The following ARHGAP44 variants were observed in gnomAD, a reference collection of about 807,000 sequenced individuals.
ARHGAP44 encodes the protein rho GTPase-activating protein 44.
Under a neutral mutation model 106.8 loss-of-function variants are expected in ARHGAP44, and 43 were observed. That is an observed-to-expected ratio of 0.40 (90% CI 0.32 to 0.52). The LOEUF (loss-of-function observed/expected upper bound fraction) is 0.52. ARHGAP44 is among the 20% of genes least tolerant of loss of function. The pLI, the probability that ARHGAP44 is intolerant of heterozygous loss-of-function variation, is 0.48. For synonymous variants in ARHGAP44, 439 were observed against 410.3 expected (o/e 1.07, Z -0.85); for missense variants, 866 against 1,050.5 (o/e 0.82, Z 2.43).
Position 12,838,263 on chromosome 17 carries a change from G to A in ARHGAP44, c.53+48372G>A, listed in dbSNP as rs556063003. 2.0e-5 allele frequency among the ~76,000 whole-genome samples: 3 copies of A among 152,202 alleles called. No homozygotes were observed. In the South Asian group the frequency reaches 6.2e-4, roughly 32 times the overall value. ...GAAAATATAGTAAGAAAAAAAAGTA[G>A]GATACATATACATTTACATTTGTGT... On this transcript the variant is annotated intron_variant, in intron 1 of 20. Coordinates refer to ENST00000379672, the MANE Select transcript of ARHGAP44 (RefSeq NM_014859.6).
chr17:12,814,705 A>G (rs1468843571), intron 1 of ARHGAP44, among the ~76,000 whole-genome samples: 6 of 152,192 alleles, frequency 3.9e-5, no homozygotes, highest in Non-Finnish European at 7.3e-5. Flanking sequence ...TATTACATAT[A>G]GCAAATGCTG....
At chr17:12,874,912 C>T (rs1311723313) in intron 1 of ARHGAP44, among the ~76,000 whole-genome samples, 1 of 111,344 alleles carries the variant, frequency 9.0e-6, no homozygotes, top group African/African-American at 3.5e-5. Context: ...CAGAGTATAT[C>T]GGGCAGGGCA....
intron 13 of ARHGAP44, among the ~76,000 whole-genome samples, chr17:12,953,191 C>T (rs2039040595): frequency 6.6e-6 from 1 of 152,104 alleles, no homozygotes; most frequent in African/African-American, 2.4e-5. Flanking sequence ...CCAGTGCTCC[C>T]CCATTCCCGA....
At chr17:12,978,322 G>T (rs2039746956) in intron 18 of ARHGAP44, among the ~76,000 whole-genome samples, 1 of 152,172 alleles carries the variant, frequency 6.6e-6, no homozygotes, top group East Asian at 1.9e-4. Flanking sequence ...GTGAGGCAAG[G>T]GTTTTCTGTT....
intron 1 of ARHGAP44, among the ~76,000 whole-genome samples, chr17:12,871,657 T>C (rs1183109038): frequency 1.3e-5 from 2 of 152,128 alleles, no homozygotes; most frequent in African/African-American, 2.4e-5. Flanking sequence ...TCGTCCAACA[T>C]TGGGAATTAA....
At chr17:12,865,868 A>G (rs2036226478) in intron 1 of ARHGAP44, among the ~76,000 whole-genome samples, 1 of 151,986 alleles carries the variant, frequency 6.6e-6, no homozygotes, top group African/African-American at 2.4e-5. Flanking sequence ...AGGAAATGAG[A>G]TTATTTTTAC....
intron 18 of ARHGAP44, among the ~76,000 whole-genome samples, chr17:12,978,020 G>C (rs143159155): frequency 0.013 from 943 of 74,310 alleles, 6 homozygotes; most frequent in Middle Eastern, 0.064. Context: ...CTGGGCAACA[G>C]AGCAAGACTC....
intron 19 of ARHGAP44, among the ~76,000 whole-genome samples, chr17:12,984,067 C>T (rs531730605): frequency 4.3e-4 from 66 of 152,256 alleles, no homozygotes; most frequent in South Asian, 1.9e-3. Context: ...TTTTCTATCC[C>T]GAGGACCTGC....
At chr17:12,977,808 G>C (rs543400014) in intron 18 of ARHGAP44, among the ~76,000 whole-genome samples, 6 of 152,072 alleles carry the variant, frequency 3.9e-5, no homozygotes, top group South Asian at 2.1e-4. Flanking sequence ...GGGTGGCCGA[G>C]GGGGGTGGAT....
chr17:12,823,430 C>T (rs1426728289), intron 1 of ARHGAP44, among the ~76,000 whole-genome samples: 1 of 152,176 alleles, frequency 6.6e-6, no homozygotes, highest in East Asian at 1.9e-4. Flanking sequence ...CTCACTTTCT[C>T]CTTCCTAGAG....
intron 1 of ARHGAP44, among the ~76,000 whole-genome samples, chr17:12,858,212 G>T (rs912206427): frequency 6.6e-6 from 1 of 152,140 alleles, no homozygotes; most frequent in Non-Finnish European, 1.5e-5. Context: ...AGACACCCAG[G>T]TCAGCCAAAT....
chr17:12,894,094 T>C, intron 1 of ARHGAP44, among the ~76,000 whole-genome samples: 1 of 152,216 alleles, frequency 6.6e-6, no homozygotes, highest in South Asian at 2.1e-4. Context: ...ATTTTATACA[T>C]GTATTATAGT....
chr17:12,825,345 C>A (rs533559884), intron 1 of ARHGAP44, among the ~76,000 whole-genome samples: 3 of 151,748 alleles, frequency 2.0e-5, no homozygotes, highest in African/African-American at 7.3e-5. Flanking sequence ...CCCTTGATTA[C>A]TAATTTTTTA....
rs1199329811 is a variant in ARHGAP44 at position 12,948,753 on chromosome 17, C to CACAA, written c.862-387_862-386insACAA. ...ACACACACACACACACACACACACCCCCTGTAGACCTCCTCACATTCAACT... is the reference window on the plus strand; with the variant it reads ...ACACACACACACACACACACACACCCACAACCTGTAGACCTCCTCACATTCAACT... On this transcript the variant is annotated intron_variant, in intron 10 of 20. Coordinates refer to ENST00000379672, the MANE Select transcript of ARHGAP44 (RefSeq NM_014859.6). Among the ~76,000 whole-genome samples the CACAA allele has an allele frequency of 2.0e-5, 3 of 150,214 alleles. No homozygotes were observed. In the Admixed American group the frequency reaches 2.0e-4, roughly 10 times the overall value.
chr17:12,803,274 T>G (rs2034176725), intron 1 of ARHGAP44, among the ~76,000 whole-genome samples: 1 of 151,624 alleles, frequency 6.6e-6, no homozygotes, highest in African/African-American at 2.4e-5. Flanking sequence ...GCCCAGCCAA[T>G]TTTTGTATTT....
chr17:12,946,053 T>G (rs1207268147), intron 10 of ARHGAP44, among the ~76,000 whole-genome samples: 3 of 152,298 alleles, frequency 2.0e-5, no homozygotes, highest in Non-Finnish European at 2.9e-5. Context: ...GCCACCGCAC[T>G]GGGCCTCAAT....
rs566631696 is a variant in ARHGAP44 at position 12,827,118 on chromosome 17, G to A, written c.53+37227G>A. On this transcript the variant is annotated intron_variant, in intron 1 of 20. Transcript: ENST00000379672. ...AGGCCATGACATACTATCATTTTTG[G>A]TCTCTGTAACCCTGTTCTCTTATTT... Among the ~76,000 whole-genome samples, 286 of 152,110 alleles carry A rather than the reference G, an allele frequency of 1.9e-3. 1 individual carries two copies. Among genetic ancestry groups the A allele is most frequent in the Non-Finnish European group, 3.5e-3 (235 of 67,994 alleles).
intron 3 of ARHGAP44, 24 bp downstream of exon 3, chr17:12,896,535 G>T: frequency 6.4e-7 from 1 of 1,567,344 alleles, no homozygotes; most frequent in Non-Finnish European, 8.6e-7. Flanking sequence ...CAGCCCTGGG[G>T]AGCTGAAATC....
intron 1 of ARHGAP44, among the ~76,000 whole-genome samples, chr17:12,815,292 T>A (rs1302504716): frequency 6.6e-6 from 1 of 152,140 alleles, no homozygotes; most frequent in Admixed American, 6.5e-5. Flanking sequence ...TCTACTGTAT[T>A]TCCTTGCAAA....
Sources: allele counts gnomAD v4.1 joint callset (sites outside exome capture counted in the v4.1 genomes callset), GRCh38; gene constraint gnomAD v4.1.1; transcripts MANE v1.5; gene names NCBI Gene and HGNC (gene_info 2026-07-23, HGNC 2026-07-21).